SLC28A1: variants seen among roughly 807,000 people sequenced by gnomAD.
The protein encoded by SLC28A1 is solute carrier family 28 member 1.
Under a neutral mutation model 74.8 loss-of-function variants are expected in SLC28A1, and 64 were observed. The observed-to-expected ratio is 0.86, with a 90% confidence interval of 0.70 to 1.05. The LOEUF is 1.05. SLC28A1 is among the 50% of genes least tolerant of loss of function. SLC28A1 has a pLI of 0.00. For synonymous variants in SLC28A1, 359 were observed against 335.0 expected (o/e 1.07, Z -0.78); for missense variants, 828 against 822.8 (o/e 1.01, Z -0.08).
chr15:84,927,246 A>T (rs926910223), intron 12 of SLC28A1, among the ~76,000 whole-genome samples: 1 of 152,214 alleles, frequency 6.6e-6, no homozygotes, highest in African/African-American at 2.4e-5. Flanking sequence ...CTGAAGGTTC[A>T]CTGAAAAATC....
At chr15:84,885,638 G>C (rs1218984711) in intron 1 of SLC28A1, among the ~76,000 whole-genome samples, 1 of 151,002 alleles carries the variant, frequency 6.6e-6, no homozygotes, top group Non-Finnish European at 1.5e-5. Flanking sequence ...GGCTGAGGCA[G>C]GAGAATCGCT....
chr15:84,896,702 C>T (rs995941180), intron 6 of SLC28A1, among the ~76,000 whole-genome samples: 5 of 152,052 alleles, frequency 3.3e-5, no homozygotes, highest in African/African-American at 1.2e-4. Context: ...ATCCCAGCTA[C>T]TCTGTAGTGA....
At chr15:84,907,378 T>C (rs1967399708) in intron 8 of SLC28A1, among the ~76,000 whole-genome samples, 1 of 152,148 alleles carries the variant, frequency 6.6e-6, no homozygotes, top group African/African-American at 2.4e-5. Context: ...AGAGATGGGG[T>C]TTTACCATGT....
intron 15 of SLC28A1, among the ~76,000 whole-genome samples, chr15:84,942,837 C>T (rs1972863965): frequency 6.6e-6 from 1 of 152,114 alleles, no homozygotes; most frequent in Non-Finnish European, 1.5e-5. Context: ...GCCAAAGCGA[C>T]AGGACTAACA....
downstream of SLC28A1, among the ~76,000 whole-genome samples, chr15:84,946,083 T>TGTATATATA (rs1321419859): frequency 9.4e-4 from 34 of 36,240 alleles, no homozygotes; most frequent in Admixed American, 1.4e-3. Flanking sequence ...TGTGTGTATG[T>TGTATATATA]TCATATATAT....
At chr15:84,972,409 A>G in the SLC28A1 span, among the ~76,000 whole-genome samples, 1 of 152,256 alleles carries the variant, frequency 6.6e-6, no homozygotes, top group Non-Finnish European at 1.5e-5. Context: ...TTACTCATCT[A>G]TAAAATAGGA....
chr15:84,890,601 C>T (rs1965262156), intron 5 of SLC28A1, 67 bp downstream of exon 5: 1 of 1,259,994 alleles, frequency 7.9e-7, no homozygotes, highest in South Asian at 1.3e-5. Flanking sequence ...TGTCTCAGGG[C>T]AGGGTCATTC....
chr15:84,943,577 C>T (rs761813049), intron 16 of SLC28A1, 51 bp downstream of exon 16: 3 of 1,406,274 alleles, frequency 2.1e-6, no homozygotes, highest in Non-Finnish European at 3.0e-6. Context: ...GGGACTTGAA[C>T]TTGCTCGGGA....
intron 9 of SLC28A1, among the ~76,000 whole-genome samples, chr15:84,913,870 C>A (rs892812365): frequency 6.6e-6 from 1 of 152,238 alleles, no homozygotes; most frequent in Non-Finnish European, 1.5e-5. Context: ...TTGAGGCCCA[C>A]TTTGCTCTCT....
chr15:84,899,926 G>GGAAA (rs750882243), intron 6 of SLC28A1, among the ~76,000 whole-genome samples: 26 of 100,568 alleles, frequency 2.6e-4, no homozygotes, highest in East Asian at 2.5e-3. Flanking sequence ...AGGGAAAGAG[G>GGAAA]GAAAGAAAGA....
At chr15:84,960,692 T>C in the SLC28A1 span, among the ~76,000 whole-genome samples, 509 of 152,338 alleles carry the variant, frequency 3.3e-3, 1 homozygote, top group Admixed American at 4.9e-3. Context: ...CTTCCTGTTT[T>C]CAGCCCCACC....
At chr15:84,971,151 CT>C in the SLC28A1 span, among the ~76,000 whole-genome samples, 2 of 152,152 alleles carry the variant, frequency 1.3e-5, no homozygotes, top group African/African-American at 4.8e-5. Flanking sequence ...GTCAATGAGA[CT>C]GTATCAGTCA....
At position 84,894,931 on chromosome 15, in the gene SLC28A1, A is replaced by T. The variant is rs941818125; in HGVS notation, c.278-9A>T. The T allele has an allele frequency of 6.2e-7, 1 of 1,613,926 alleles. No homozygotes were observed. Among genetic ancestry groups the T allele is most frequent in the Admixed American group, 1.7e-5 (1 of 60,024 alleles). On this transcript the variant is annotated splice_polypyrimidine_tract_variant and intron_variant, in intron 5 of 18. Transcript: ENST00000394573. ...TGGCTGTTGACCCCTCCTCTGTCTC[A>T]TCCCCCAGGGCTCTCTGCCTTCCTG...
the SLC28A1 span, among the ~76,000 whole-genome samples, chr15:84,969,527 C>G: frequency 1.0e-5 from 1 of 99,392 alleles, no homozygotes; most frequent in Non-Finnish European, 2.4e-5. Flanking sequence ...AGGGAGCACC[C>G]TGCCCCCCGA....
intron 13 of SLC28A1, among the ~76,000 whole-genome samples, chr15:84,934,633 A>G (rs1452970762): frequency 1.3e-5 from 2 of 152,188 alleles, no homozygotes; most frequent in Non-Finnish European, 2.9e-5. Flanking sequence ...AGTGAAAAGA[A>G]ATGGGTGATT....
chr15:84,898,525 G>A (rs1966263461), intron 6 of SLC28A1, among the ~76,000 whole-genome samples: 1 of 150,446 alleles, frequency 6.6e-6, no homozygotes, highest in South Asian at 2.1e-4. Context: ...CTTGCAGTGA[G>A]CTGAGATCTC....
At chr15:84,923,047 C>T (rs975132334) in intron 11 of SLC28A1, among the ~76,000 whole-genome samples, 21 of 152,220 alleles carry the variant, frequency 1.4e-4, no homozygotes, top group Admixed American at 5.9e-4. Context: ...AAGCGATTCT[C>T]GTGCCTAAGC....
intron 5 of SLC28A1, among the ~76,000 whole-genome samples, chr15:84,892,152 C>T (rs1407080233): frequency 1.3e-5 from 2 of 151,820 alleles, no homozygotes; most frequent in African/African-American, 2.4e-5. Flanking sequence ...GAGTTTGAGA[C>T]CAGCCTGGGC....
intron 11 of SLC28A1, among the ~76,000 whole-genome samples, chr15:84,922,681 C>T (rs544971203): frequency 3.3e-5 from 5 of 152,328 alleles, no homozygotes; most frequent in Admixed American, 2.6e-4. Context: ...TGCCCCTCAC[C>T]GTGGCTTCCT....
Sources: gnomAD v4.1 joint callset for allele counts (sites outside exome capture counted in the v4.1 genomes callset) on GRCh38, gnomAD v4.1.1 for gene constraint, MANE v1.5 for transcripts, NCBI Gene and HGNC (gene_info 2026-07-23, HGNC 2026-07-21) for gene names.